TAFA2: variants seen among roughly 807,000 people sequenced by gnomAD.
TAFA2 encodes TAFA chemokine like family member 2.
A neutral mutation model predicts 18.8 loss-of-function variants in TAFA2; 7 were observed. The ratio of observed to expected loss-of-function variants is 0.37; its 90% CI spans 0.21 to 0.70. The LOEUF (loss-of-function observed/expected upper bound fraction) is 0.70. TAFA2 is among the 30% of genes least tolerant of loss of function. The probability of loss-of-function intolerance (pLI) is 0.53; values close to 1 mark genes in which losing one functional copy is unlikely to be tolerated. For missense variants in TAFA2, 122 were observed against 158.1 expected (o/e 0.77, Z 1.23); for synonymous variants, 60 against 54.2 (o/e 1.11, Z -0.47).
At chr12:62,085,571 T>G (rs550945135) in intron 1 of TAFA2, among the ~76,000 whole-genome samples, 2 of 152,284 alleles carry the variant, frequency 1.3e-5, no homozygotes, top group Admixed American at 1.3e-4. Context: ...TATTCATTCA[T>G]TCCACATTTT....
chr12:62,179,354 A>G (rs1430284459), intron 1 of TAFA2, among the ~76,000 whole-genome samples: 1 of 152,170 alleles, frequency 6.6e-6, no homozygotes, highest in Non-Finnish European at 1.5e-5. Flanking sequence ...ATATGCTTCT[A>G]TAGAACTTGG....
chr12:61,869,156 C>T (rs1203137429), intron 1 of TAFA2, among the ~76,000 whole-genome samples: 1 of 152,110 alleles, frequency 6.6e-6, no homozygotes, highest in Admixed American at 6.5e-5. Context: ...GGACCTTAGC[C>T]TCATGACATG....
chr12:61,959,325 A>C (rs927616334), intron 1 of TAFA2, among the ~76,000 whole-genome samples: 1 of 151,948 alleles, frequency 6.6e-6, no homozygotes, highest in South Asian at 2.1e-4. Context: ...TCCTTTATTC[A>C]AATTTTGTTT....
intron 1 of TAFA2, among the ~76,000 whole-genome samples, chr12:62,102,059 G>T (rs1869231809): frequency 6.6e-6 from 1 of 152,192 alleles, no homozygotes; most frequent in African/African-American, 2.4e-5. Flanking sequence ...TTAAGAAGCT[G>T]AGGTGGAGAG....
intron 1 of TAFA2, among the ~76,000 whole-genome samples, chr12:62,052,756 T>G (rs1392421984): frequency 6.6e-6 from 1 of 151,838 alleles, no homozygotes; most frequent in Non-Finnish European, 1.5e-5. Context: ...AAGTAGAATC[T>G]AAGAGATTCT....
At chr12:62,122,704 C>T (rs1352005455) in intron 1 of TAFA2, among the ~76,000 whole-genome samples, 1 of 152,178 alleles carries the variant, frequency 6.6e-6, no homozygotes, top group East Asian at 1.9e-4. Context: ...TGATAACATA[C>T]AAAGGGCTAG....
intron 2 of TAFA2, among the ~76,000 whole-genome samples, chr12:61,782,544 T>C (rs757094781): frequency 6.6e-6 from 1 of 151,748 alleles, no homozygotes; most frequent in Non-Finnish European, 1.5e-5. Flanking sequence ...ACACATGTTA[T>C]ACAAAACCAA....
intron 1 of TAFA2, among the ~76,000 whole-genome samples, chr12:62,155,355 T>C (rs559150129): frequency 6.6e-6 from 1 of 152,182 alleles, no homozygotes; most frequent in East Asian, 1.9e-4. Flanking sequence ...ATCAACACTG[T>C]GAAAATGGCC....
intron 1 of TAFA2, among the ~76,000 whole-genome samples, chr12:61,914,737 G>T (rs1195745226): frequency 6.6e-6 from 1 of 152,120 alleles, no homozygotes; most frequent in Non-Finnish European, 1.5e-5. Flanking sequence ...TGTGTTTTGT[G>T]CCAGGCAAGA....
At chr12:62,042,118 C>T (rs1454151174) in intron 1 of TAFA2, among the ~76,000 whole-genome samples, 1 of 152,024 alleles carries the variant, frequency 6.6e-6, no homozygotes, top group African/African-American at 2.4e-5. Context: ...ATTGTGGCAA[C>T]TCCTTCATAT....
At chr12:61,911,571 A>G (rs1464785116) in intron 1 of TAFA2, among the ~76,000 whole-genome samples, 1 of 152,168 alleles carries the variant, frequency 6.6e-6, no homozygotes, top group Non-Finnish European at 1.5e-5. Context: ...ACTGAAGATC[A>G]CCCCAAATCT....
At chr12:62,243,090 T>C (rs185113410) in intron 1 of TAFA2, among the ~76,000 whole-genome samples, 8 of 152,368 alleles carry the variant, frequency 5.3e-5, no homozygotes, top group Admixed American at 2.0e-4. Context: ...TTAGATTTTT[T>C]AAATATTAAG....
At chr12:62,229,825 T>C (rs2062804278) in intron 1 of TAFA2, among the ~76,000 whole-genome samples, 1 of 152,082 alleles carries the variant, frequency 6.6e-6, no homozygotes. Context: ...AATTTAGAAG[T>C]GAAGTCATCG....
At chr12:61,795,585 G>T (rs1565636602) in intron 2 of TAFA2, among the ~76,000 whole-genome samples, 1 of 151,832 alleles carries the variant, frequency 6.6e-6, no homozygotes. Context: ...TGTTGGGTGG[G>T]GGAGGAGGGA....
At chr12:61,785,679 A>T (rs1267279676) in intron 2 of TAFA2, among the ~76,000 whole-genome samples, 4 of 151,534 alleles carry the variant, frequency 2.6e-5, no homozygotes, top group Non-Finnish European at 4.4e-5. Flanking sequence ...GTATGTGAAC[A>T]AACATATTAC....
At chr12:61,914,590 C>T (rs1876743454) in intron 1 of TAFA2, among the ~76,000 whole-genome samples, 1 of 152,194 alleles carries the variant, frequency 6.6e-6, no homozygotes, top group South Asian at 2.1e-4. Flanking sequence ...AAATGTTAGA[C>T]ATGGAGACTT....
chr12:62,239,728 C>A (rs538772654), intron 1 of TAFA2, among the ~76,000 whole-genome samples: 1 of 152,294 alleles, frequency 6.6e-6, no homozygotes, highest in African/African-American at 2.4e-5. Context: ...ATGCAACAGC[C>A]AGTATTAACC....
At chr12:62,156,117 A>T (rs1413480568) in intron 1 of TAFA2, among the ~76,000 whole-genome samples, 1 of 152,244 alleles carries the variant, frequency 6.6e-6, no homozygotes, top group East Asian at 1.9e-4. Context: ...AAACAATCCC[A>T]TCAAAAAGTG....
intron 1 of TAFA2, among the ~76,000 whole-genome samples, chr12:62,003,232 C>G (rs1218370238): frequency 6.6e-6 from 1 of 152,160 alleles, no homozygotes; most frequent in Non-Finnish European, 1.5e-5. Flanking sequence ...ATTCAATACT[C>G]TCAAGTGGCT....
Sources: allele counts gnomAD v4.1 joint callset (sites outside exome capture counted in the v4.1 genomes callset), GRCh38; gene constraint gnomAD v4.1.1; transcripts MANE v1.5; gene names NCBI Gene and HGNC (gene_info 2026-07-23, HGNC 2026-07-21).